The following EHMT1 variants were observed in gnomAD, a reference collection of about 807,000 sequenced individuals.
EHMT1 encodes the protein euchromatic histone lysine methyltransferase 1.
Under a neutral mutation model 147.2 loss-of-function variants are expected in EHMT1, and 15 were observed. The observed-to-expected ratio is 0.10, with a 90% CI of 0.07 to 0.16. The LOEUF is 0.16. EHMT1 is among the 10% of genes least tolerant of loss of function. EHMT1 has a pLI of 1.00. For missense variants in EHMT1, 1,587 were observed against 1,772.4 expected (o/e 0.90, Z 1.88); for synonymous variants, 795 against 709.6 (o/e 1.12, Z -1.91).
intron 1 of EHMT1, among the ~76,000 whole-genome samples, chr9:137,678,096 G>A (rs567744878): frequency 2.0e-5 from 3 of 152,116 alleles, no homozygotes; most frequent in African/African-American, 7.2e-5. Context: ...TAATAATGTT[G>A]TCAAAATCTT....
chr9:137,737,517 G>T (rs765540113), intron 4 of EHMT1, among the ~76,000 whole-genome samples: 2 of 152,080 alleles, frequency 1.3e-5, no homozygotes, highest in African/African-American at 2.4e-5. Flanking sequence ...CCTAAGACAG[G>T]TCCAGGACCT....
rs1215637490 is a variant in EHMT1 at position 137,718,799 on chromosome 9, AG to A, written c.642+1619del. ...GAGACGGAGTCTTGCTCTGTCACCC[AG>A]GTTAGAGTGAAATGGCGCGATCTCA... On this transcript the variant is annotated intron_variant, in intron 3 of 26. Coordinates refer to ENST00000460843, the MANE Select transcript of EHMT1 (RefSeq NM_024757.5). 2.1e-5 allele frequency among the ~76,000 whole-genome samples: 3 copies of A among 140,130 alleles called. No homozygotes were observed. In the East Asian group the frequency reaches 6.0e-4, roughly 28 times the overall value. The allele number at this position is 140,130 out of a possible 152,430, so 91.9% of individuals were successfully genotyped here.
Position 137,732,576 on chromosome 9 carries a change from G to T in EHMT1, c.823+4047G>T, listed in dbSNP as rs992311209. Reference sequence around the variant, plus strand: ...GGAGGAAGTGCATGAAGTGCATGCTGATTGGTCCATGGGTAGGTCTGGAAA... The same window carrying T: ...GGAGGAAGTGCATGAAGTGCATGCTTATTGGTCCATGGGTAGGTCTGGAAA... On this transcript the variant is annotated intron_variant, in intron 4 of 26. Transcript: ENST00000460843. This position sits in a 1 kb window ranked among gnomAD's most constrained non-coding sequence, Gnocchi z 4.6. 4.6e-5 allele frequency among the ~76,000 whole-genome samples: 7 copies of T among 152,208 alleles called. No individual in the cohort carries two copies. Among genetic ancestry groups the T allele is most frequent in the Non-Finnish European group, 7.3e-5 (5 of 68,034 alleles).
intron 3 of EHMT1, among the ~76,000 whole-genome samples, chr9:137,720,881 A>G (rs766735900): frequency 6.6e-6 from 1 of 152,020 alleles, no homozygotes; most frequent in Non-Finnish European, 1.5e-5. Context: ...ACAGGAGCAT[A>G]ATCACTGGGT....
chr9:137,698,051 G>A (rs1048555729), intron 1 of EHMT1, among the ~76,000 whole-genome samples: 8 of 151,932 alleles, frequency 5.3e-5, no homozygotes, highest in Non-Finnish European at 1.0e-4. Flanking sequence ...TGAGGGCAGC[G>A]TGTGAGGGCG....
intron 25 of EHMT1, among the ~76,000 whole-genome samples, chr9:137,824,088 CTTTT>C (rs112157311): frequency 6.6e-6 from 1 of 151,396 alleles, no homozygotes; most frequent in Non-Finnish European, 1.5e-5. Flanking sequence ...AGATTTTCTC[CTTTT>C]TTTTTAGAAG....
At chr9:137,659,681 T>C (rs979254328) in intron 1 of EHMT1, among the ~76,000 whole-genome samples, 1 of 151,432 alleles carries the variant, frequency 6.6e-6, no homozygotes, top group Admixed American at 6.6e-5. Flanking sequence ...GCTTCCCGAG[T>C]AGCTGGGACC....
At chr9:137,717,350 C>T (rs758999557) in intron 3 of EHMT1, 168 bp downstream of exon 3, 66 of 895,708 alleles carry the variant, frequency 7.4e-5, no homozygotes, top group East Asian at 1.1e-4. Flanking sequence ...CAGCTGTTAT[C>T]GCAGCACTTT....
chr9:137,767,665 T>C (rs1185583736), intron 10 of EHMT1, among the ~76,000 whole-genome samples: 2 of 151,920 alleles, frequency 1.3e-5, no homozygotes, highest in Non-Finnish European at 2.9e-5. Context: ...ATACAAAAAT[T>C]AGATGGGCGT....
rs118188308 is a variant in EHMT1, at chr9:137,669,269, G to C, written c.22-41698G>C. 4.6e-3 allele frequency among the ~76,000 whole-genome samples: 623 copies of C among 135,120 alleles called. 3 individuals carry two copies. Among genetic ancestry groups the C allele is most frequent in the Middle Eastern group, 7.1e-3 (2 of 280 alleles). 88.6% of individuals were successfully genotyped at this position (135,120 alleles called of 152,430 possible). ...CCTTCTCGCCCAGTGCTTACTGCTT[G>C]CTGGGTGCTGGTCTCCTGCTTAAAG... On this transcript the variant is annotated intron_variant, in intron 1 of 26. Transcript: ENST00000460843.
intron 1 of EHMT1, among the ~76,000 whole-genome samples, chr9:137,664,554 T>G (rs555502474): frequency 6.6e-6 from 1 of 152,150 alleles, no homozygotes; most frequent in South Asian, 2.1e-4. Context: ...CAACTGCGCC[T>G]GGCCCGATAC....
At chr9:137,689,102 C>G (rs1942714525) in intron 1 of EHMT1, among the ~76,000 whole-genome samples, 2 of 152,202 alleles carry the variant, frequency 1.3e-5, no homozygotes, top group Non-Finnish European at 2.9e-5. Flanking sequence ...CTGATTGTGA[C>G]TACTTGTTCT....
chr9:137,702,578 C>T (rs756307435), intron 1 of EHMT1, among the ~76,000 whole-genome samples: 3 of 152,156 alleles, frequency 2.0e-5, no homozygotes, highest in Admixed American at 6.5e-5. Context: ...CAGGGTACAG[C>T]TCCTGCAGCT....
At chr9:137,720,583 A>G (rs1268990847) in intron 3 of EHMT1, among the ~76,000 whole-genome samples, 1 of 152,190 alleles carries the variant, frequency 6.6e-6, no homozygotes, top group African/African-American at 2.4e-5. Flanking sequence ...GATTATGGGC[A>G]TGATCCAACG....
chr9:137,754,210 A>G lies in EHMT1; in HGVS notation c.1288A>G (p.Lys430Glu), dbSNP rs1949204467. 1 of 1,614,072 alleles carries G rather than the reference A, an allele frequency of 6.2e-7. No individual in the cohort carries two copies. Among genetic ancestry groups the G allele is most frequent in the Admixed American group, 1.7e-5 (1 of 60,010 alleles). ...SSIKKKFLKRKGKTDSPWIKP... is the reference protein window; with the variant it reads ...SSIKKKFLKREGKTDSPWIKP... ...CATTAAGAAGAAATTTCTCAAGAGG[A>G]AAGGAAAGACCGACAGTCCCTGGAT... The change falls in exon 8 of 27, where the codon AAA becomes GAA. Residue 430 changes from lysine (K) to glutamate (E), a missense_variant. Around this residue, in one of 7 missense-constraint regions of EHMT1, gnomAD observed 810 missense variants for 673.0 expected, o/e 1.20. Transcript: ENST00000460843.
chr9:137,717,180 C>G lies in EHMT1; in HGVS notation c.640C>G (p.Leu214Val). The change falls in exon 3 of 27, where the codon CTG (leucine) becomes GTG (valine). Residue 214 changes from leucine (L) to valine (V), a missense_variant and splice_region_variant. By Grantham distance (32) the Leu-to-Val change is conservative. Transcript: ENST00000460843. ...GACCATGCCGAAGTCCGTCGTGGGC[C>G]TGGTAATTTTGTGTCTTCTCTTGCT... ...RKTMPKSVVG[L>V]HAASKDPREV... 6.2e-7 allele frequency: 1 copy of G among 1,611,800 alleles called. No individual in the cohort carries two copies. The highest frequency in any genetic ancestry group is 1.7e-4 in the Middle Eastern group (1 of 5,862).
At chr9:137,780,648 CATCTCACT>C in intron 14 of EHMT1, among the ~76,000 whole-genome samples, 1 of 40,072 alleles carries the variant, frequency 2.5e-5, no homozygotes, top group African/African-American at 1.3e-4. Flanking sequence ...GTGATGACGG[CATCTCACT>C]GAGATGTGTG....
At chr9:137,754,141 G>T (rs1949199335) in intron 7 of EHMT1, 30 bp from the exon 8 acceptor site, 2 of 1,613,796 alleles carry the variant, frequency 1.2e-6, no homozygotes, top group Admixed American at 3.3e-5. Context: ...GTGCTTAGTG[G>T]TTTATATGCC....
chr9:137,815,545 T>G, intron 22 of EHMT1: 1 of 320,960 alleles, frequency 3.1e-6, no homozygotes, highest in Non-Finnish European at 6.1e-6. Context: ...CCCTCCACAG[T>G]TGAGGATTTG....
Sources: allele counts gnomAD v4.1 joint callset (sites outside exome capture counted in the v4.1 genomes callset), GRCh38; gene constraint gnomAD v4.1.1; regional missense constraint gnomAD v4.1.1; non-coding constraint Gnocchi (gnomAD v3.1); transcripts MANE v1.5; gene names NCBI Gene and HGNC (gene_info 2026-07-23, HGNC 2026-07-21).